Variants in IL1RAPL2 observed in about 807,000 individuals in gnomAD.
IL1RAPL2 encodes X-linked interleukin-1 receptor accessory protein-like 2.
In IL1RAPL2, 3 loss-of-function variants were observed where a neutral mutation model predicts 44.1. The observed-to-expected ratio is 0.07, with a 90% confidence interval of 0.03 to 0.18. The LOEUF is 0.18. Ranked by LOEUF, IL1RAPL2 falls within the 10% of genes least tolerant of loss-of-function variation. The probability of loss-of-function intolerance (pLI) is 1.00; values close to 1 mark genes in which losing one functional copy is unlikely to be tolerated. For missense variants in IL1RAPL2, 391 were observed against 496.4 expected (o/e 0.79, Z 2.02); for synonymous variants, 181 against 178.8 (o/e 1.01, Z -0.10).
intron 9 of IL1RAPL2, among the ~76,000 whole-genome samples, chrX:105,750,189 A>T (rs5962579): frequency 0.1 from 11,094 of 107,852 alleles, 460 homozygotes; most frequent in South Asian, 0.25. Context: ...GTTTTAATTG[A>T]CTTTCATATT....
intron 6 of IL1RAPL2, among the ~76,000 whole-genome samples, chrX:105,563,818 G>A (rs1205292608): frequency 8.9e-6 from 1 of 111,762 alleles, no homozygotes; most frequent in Non-Finnish European, 1.9e-5. Flanking sequence ...AGACCTCAAA[G>A]TAAAGACTTA....
At chrX:104,627,415 T>G (rs938346401) in intron 1 of IL1RAPL2, among the ~76,000 whole-genome samples, 1 of 108,292 alleles carries the variant, frequency 9.2e-6, no homozygotes, top group African/African-American at 3.4e-5. Context: ...CACACCAACA[T>G]GGCACATGTA....
intron 6 of IL1RAPL2, among the ~76,000 whole-genome samples, chrX:105,507,916 G>A (rs892329816): frequency 1.8e-5 from 2 of 111,154 alleles, no homozygotes; most frequent in Non-Finnish European, 3.8e-5. Flanking sequence ...GTCTACAAAA[G>A]CAAATTAAAA....
At chrX:104,908,539 A>G (rs1924115980) in intron 2 of IL1RAPL2, among the ~76,000 whole-genome samples, 1 of 110,868 alleles carries the variant, frequency 9.0e-6, no homozygotes. Context: ...TCTGTAAAGT[A>G]TTTTATTTCT....
intron 6 of IL1RAPL2, among the ~76,000 whole-genome samples, chrX:105,510,842 C>A (rs2036464469): frequency 9.0e-6 from 1 of 111,523 alleles, no homozygotes; most frequent in African/African-American, 3.3e-5. Flanking sequence ...GTCCTGCCAA[C>A]ACTTGATTTT....
intron 5 of IL1RAPL2, among the ~76,000 whole-genome samples, chrX:105,307,277 T>A (rs1299770362): frequency 1.0e-5 from 1 of 96,743 alleles, no homozygotes; most frequent in Non-Finnish European, 2.0e-5. Context: ...AAAAAAAATT[T>A]TTTTTTAAAT....
At chrX:105,756,228 C>A (rs1178425607) in intron 10 of IL1RAPL2, among the ~76,000 whole-genome samples, 2 of 112,034 alleles carry the variant, frequency 1.8e-5, no homozygotes, top group African/African-American at 3.2e-5. Context: ...CAGTACTTGA[C>A]AGTGTATAAA....
intron 5 of IL1RAPL2, among the ~76,000 whole-genome samples, chrX:105,394,896 C>T (rs967471280): frequency 1.8e-5 from 2 of 111,275 alleles, no homozygotes; most frequent in Non-Finnish European, 3.8e-5. Flanking sequence ...ACATTCAGCT[C>T]AAGTTCTGAA....
At chrX:104,680,351 G>C (rs182460063) in intron 2 of IL1RAPL2, among the ~76,000 whole-genome samples, 3 of 111,497 alleles carry the variant, frequency 2.7e-5, no homozygotes, top group East Asian at 5.7e-4. Context: ...ATGCAAAATT[G>C]TATGTGTGGG....
At position 105,465,047 on chromosome X, in the gene IL1RAPL2, A is replaced by T. The variant is rs970731274; in HGVS notation, c.698-19266A>T. Among the ~76,000 whole-genome samples the T allele has an allele frequency of 2.7e-5, 3 of 112,191 alleles. No individual in the cohort carries two copies. In the Admixed American group the frequency reaches 2.8e-4, roughly 11 times the overall value. On this transcript the variant is annotated intron_variant, in intron 5 of 10. Coordinates refer to ENST00000372582, the MANE Select transcript of IL1RAPL2 (RefSeq NM_017416.2). ...GATTATTTTTCCTCATCAACATCAT[A>T]AAACAATTTTGAACAAAACAACATT...
At chrX:104,849,805 T>G (rs1922177175) in intron 2 of IL1RAPL2, among the ~76,000 whole-genome samples, 1 of 111,428 alleles carries the variant, frequency 9.0e-6, no homozygotes, top group Non-Finnish European at 1.9e-5. Flanking sequence ...TTAAGTCATG[T>G]GAACTAAAAA....
chrX:105,357,125 C>T (rs2035209399), intron 5 of IL1RAPL2, among the ~76,000 whole-genome samples: 1 of 111,313 alleles, frequency 9.0e-6, no homozygotes, highest in Non-Finnish European at 1.9e-5. Context: ...GGGTTCAAAT[C>T]CTGACTTCAC....
chrX:105,517,345 T>C (rs745572824), intron 6 of IL1RAPL2, among the ~76,000 whole-genome samples: 2 of 111,847 alleles, frequency 1.8e-5, no homozygotes, highest in South Asian at 7.5e-4. Flanking sequence ...TTACTGGATG[T>C]TTAAACTTGG....
chrX:105,253,460 T>C (rs962723339), intron 4 of IL1RAPL2, among the ~76,000 whole-genome samples: 12 of 111,742 alleles, frequency 1.1e-4, no homozygotes, highest in Non-Finnish European at 3.8e-5. Flanking sequence ...TCTTACATGA[T>C]GTCTACTTTT....
chrX:105,174,278 A>T (rs1457159196), intron 2 of IL1RAPL2, among the ~76,000 whole-genome samples: 9 of 110,762 alleles, frequency 8.1e-5, no homozygotes, highest in Non-Finnish European at 1.7e-4. Flanking sequence ...ATGAAGACTC[A>T]CTCCATTCTC....
chrX:104,967,221 C>T (rs1193884249), intron 2 of IL1RAPL2, among the ~76,000 whole-genome samples: 2 of 111,770 alleles, frequency 1.8e-5, no homozygotes, highest in African/African-American at 6.5e-5. Context: ...GTTCTCTTAA[C>T]TCAATACCAT....
At chrX:104,707,024 A>G (rs747602732) in intron 2 of IL1RAPL2, among the ~76,000 whole-genome samples, 75 of 111,754 alleles carry the variant, frequency 6.7e-4, no homozygotes, top group Non-Finnish European at 4.3e-4. Flanking sequence ...AACATATATT[A>G]TGACAAATCA....
intron 2 of IL1RAPL2, among the ~76,000 whole-genome samples, chrX:104,936,771 AT>A (rs1314624086): frequency 9.2e-6 from 1 of 108,764 alleles, no homozygotes; most frequent in Non-Finnish European, 1.9e-5. Flanking sequence ...ACGGTGGCTA[AT>A]TTTTTTTGTA....
At chrX:104,665,213 C>G (rs1263601979) in intron 2 of IL1RAPL2, among the ~76,000 whole-genome samples, 2 of 111,003 alleles carry the variant, frequency 1.8e-5, no homozygotes, top group African/African-American at 6.5e-5. Context: ...TCCAAGAAGT[C>G]TCACTCCCAT....
Sources: gnomAD v4.1 joint callset for allele counts (sites outside exome capture counted in the v4.1 genomes callset) on GRCh38, gnomAD v4.1.1 for gene constraint, MANE v1.5 for transcripts, NCBI Gene and HGNC (gene_info 2026-07-23, HGNC 2026-07-21) for gene names.